Variants in COL11A1 observed in about 807,000 individuals in gnomAD.
COL11A1 encodes the protein collagen type XI alpha 1 chain, also known as collagen alpha-1(XI) chain.
COL11A1 carries 74 observed loss-of-function variants against 265.2 expected under a neutral mutation model. The ratio of observed to expected loss-of-function variants is 0.28; its 90% CI spans 0.23 to 0.34. The LOEUF is 0.34. Ranked by LOEUF, COL11A1 falls within the 10% of genes least tolerant of loss-of-function variation. The pLI is 1.00. For missense variants in COL11A1, 2,165 were observed against 2,263.6 expected (o/e 0.96, Z 0.88); for synonymous variants, 816 against 727.6 (o/e 1.12, Z -1.96).
chr1:102,919,683 T>C (rs1466103828), intron 49 of COL11A1, among the ~76,000 whole-genome samples: 1 of 152,006 alleles, frequency 6.6e-6, no homozygotes, highest in Non-Finnish European at 1.5e-5. Context: ...TGAATCATTT[T>C]GACATTTTTA....
intron 35 of COL11A1, among the ~76,000 whole-genome samples, chr1:102,976,871 T>C (rs140832676): frequency 1.8e-3 from 277 of 152,294 alleles, no homozygotes; most frequent in African/African-American, 5.7e-3. Flanking sequence ...TTCACTTAAT[T>C]TGGTAACCTT....
At chr1:102,915,800 A>T in intron 49 of COL11A1, 116 bp from the exon 50 acceptor site, 1 of 829,950 alleles carries the variant, frequency 1.2e-6, no homozygotes, top group Non-Finnish European at 1.9e-6. Flanking sequence ...ATTATTTAAA[A>T]GGCATTGAAA....
intron 41 of COL11A1, among the ~76,000 whole-genome samples, chr1:102,950,355 C>CT (rs141701132): frequency 0.034 from 5,139 of 152,186 alleles, 318 homozygotes; most frequent in African/African-American, 0.12. Flanking sequence ...CAACAAAGGA[C>CT]GTTTTCACTT....
intron 46 of COL11A1, among the ~76,000 whole-genome samples, chr1:102,930,653 T>C (rs968674921): frequency 1.3e-5 from 2 of 152,226 alleles, no homozygotes; most frequent in African/African-American, 4.8e-5. Context: ...ATTGGAATAG[T>C]TTCAGAAGGA....
At chr1:103,092,925 G>A (rs1262102816) in intron 1 of COL11A1, among the ~76,000 whole-genome samples, 1 of 151,738 alleles carries the variant, frequency 6.6e-6, no homozygotes, top group East Asian at 1.9e-4. Flanking sequence ...GTGGTTGCCT[G>A]CCATTTCAAG....
chr1:103,084,867 C>T (rs1163984677), intron 1 of COL11A1, among the ~76,000 whole-genome samples: 1 of 152,144 alleles, frequency 6.6e-6, no homozygotes, highest in Non-Finnish European at 1.5e-5. Context: ...GAGTTAAGTT[C>T]CTACAGTCTA....
At position 103,002,750 on chromosome 1, in the gene COL11A1, G is replaced by A. The variant is rs530187653; in HGVS notation, c.2040C>T (p.Asn680=). 197 of 1,611,346 alleles carry A rather than the reference G, an allele frequency of 1.2e-4. 2 individuals carry two copies. In the South Asian group the frequency reaches 2.0e-3, roughly 17 times the overall value. ...GVDGPPGPKG[N]MGPQGEPGPP... ...TTTATCACTATTTGCTACATACCAT[G>A]TTCCCTTTTGGTCCTGGGGGGCCAT... Residue 680 remains asparagine (N), a synonymous_variant, in exon 22 of 67, where the codon AAC becomes AAT. Transcript: ENST00000370096.
At chr1:102,962,618 T>C (rs1194592842) in intron 39 of COL11A1, 35 bp downstream of exon 39, 14 of 1,581,850 alleles carry the variant, frequency 8.9e-6, no homozygotes, top group Non-Finnish European at 1.1e-5. Flanking sequence ...AATTAAAGTT[T>C]TGGGCCAAAA....
rs147656875 is a variant in COL11A1 at position 102,927,499 on chromosome 1, G to A, written c.3601-4110C>T. ...TGGGAGGCTGAGGTGGGCGGATCAC[G>A]AGGTCAGGAGATCGAGACCATCCTG... On this transcript the variant is annotated intron_variant, in intron 46 of 66. Transcript: ENST00000370096. Among the ~76,000 whole-genome samples, 417 of 152,152 alleles carry A rather than the reference G, an allele frequency of 2.7e-3. 11 individuals are homozygous for A. The East Asian group carries it at 0.071, about 26-fold the overall frequency.
Position 103,017,898 on chromosome 1 carries a change from C to A in COL11A1, c.1351-16G>T, listed in dbSNP as rs758784824. On this transcript the variant is annotated splice_polypyrimidine_tract_variant and intron_variant, in intron 10 of 66. Transcript: ENST00000370096. Reference sequence around the variant, plus strand: ...CCATAATACCCTATAGAGAAACACACCATATCTTAATCAGATTCCTAATCT... The same window carrying A: ...CCATAATACCCTATAGAGAAACACAACATATCTTAATCAGATTCCTAATCT... 1.3e-5 allele frequency: 20 copies of A among 1,596,740 alleles called. No individual in the cohort carries two copies. The highest frequency in any genetic ancestry group is 1.7e-5 in the Non-Finnish European group (20 of 1,164,358).
At chr1:103,093,099 T>C (rs1673457988) in intron 1 of COL11A1, among the ~76,000 whole-genome samples, 1 of 152,132 alleles carries the variant, frequency 6.6e-6, no homozygotes, top group Admixed American at 6.6e-5. Context: ...TAAAATCTTA[T>C]ATTGAAAATG....
intron 54 of COL11A1, among the ~76,000 whole-genome samples, chr1:102,904,337 C>T (rs1653618470): frequency 6.6e-6 from 1 of 152,062 alleles, no homozygotes; most frequent in South Asian, 2.1e-4. Context: ...GTCTAAAACA[C>T]CAAAAGCAAT....
At chr1:103,026,128 A>G in intron 6 of COL11A1, 88 bp downstream of exon 6, 1 of 1,207,376 alleles carries the variant, frequency 8.3e-7, no homozygotes, top group Non-Finnish European at 1.2e-6. Context: ...TGAAAGGTTT[A>G]TGGTAAGTTT....
chr1:103,027,501 A>G (rs1667640717), intron 5 of COL11A1, among the ~76,000 whole-genome samples: 1 of 148,058 alleles, frequency 6.8e-6, no homozygotes, highest in Non-Finnish European at 1.5e-5. Flanking sequence ...ATATGATAAT[A>G]CATATAATAT....
At chr1:103,084,718 A>G (rs1672718620) in intron 1 of COL11A1, among the ~76,000 whole-genome samples, 1 of 152,214 alleles carries the variant, frequency 6.6e-6, no homozygotes, top group Non-Finnish European at 1.5e-5. Context: ...ATTATTTTAA[A>G]AACAGACTTT....
At chr1:102,981,835 A>G (rs770853764) in intron 31 of COL11A1, among the ~76,000 whole-genome samples, 1 of 152,010 alleles carries the variant, frequency 6.6e-6, no homozygotes, top group Non-Finnish European at 1.5e-5. Flanking sequence ...CTATCATTTT[A>G]TAGCACATGT....
At chr1:103,023,849 G>A (rs1667304391) in intron 7 of COL11A1, among the ~76,000 whole-genome samples, 1 of 151,930 alleles carries the variant, frequency 6.6e-6, no homozygotes, top group Non-Finnish European at 1.5e-5. Context: ...ACACCAAAGA[G>A]TTCTTTAAAG....
intron 7 of COL11A1, among the ~76,000 whole-genome samples, chr1:103,024,018 CT>C (rs1262719522): frequency 6.6e-6 from 1 of 152,046 alleles, no homozygotes; most frequent in African/African-American, 2.4e-5. Flanking sequence ...AAACTGATAC[CT>C]TTTTTTCTCA....
intron 8 of COL11A1, among the ~76,000 whole-genome samples, chr1:103,022,331 T>C (rs757154072): frequency 6.6e-6 from 1 of 152,128 alleles, no homozygotes; most frequent in African/African-American, 2.4e-5. Flanking sequence ...TTGCCTCTTA[T>C]AAACATGTTT....
Sources: gnomAD v4.1 joint callset for allele counts (sites outside exome capture counted in the v4.1 genomes callset) on GRCh38, gnomAD v4.1.1 for gene constraint, MANE v1.5 for transcripts, NCBI Gene and HGNC (gene_info 2026-07-23, HGNC 2026-07-21) for gene names.